Variants in SHROOM3 observed in about 807,000 individuals in gnomAD.
The protein encoded by SHROOM3 is protein Shroom3.
Under a neutral mutation model 138.6 loss-of-function variants are expected in SHROOM3, and 47 were observed. The ratio of observed to expected loss-of-function variants is 0.34; its 90% CI spans 0.27 to 0.43. SHROOM3 has a LOEUF of 0.43. Among genes scored for constraint, SHROOM3 ranks in the 20% least tolerant of loss-of-function variants. SHROOM3 has a pLI of 1.00. For synonymous variants in SHROOM3, 1,062 were observed against 1,063.3 expected (o/e 1.00, Z 0.02); for missense variants, 2,491 against 2,596.5 (o/e 0.96, Z 0.88).
Position 76,609,948 on chromosome 4 carries a change from T to C in SHROOM3, c.323+54185T>C, listed in dbSNP as rs191656559. On this transcript the variant is annotated intron_variant, in intron 2 of 10. Transcript: ENST00000296043. The stretch of plus-strand genomic sequence containing the variant: ...GGAAGCTGTTGCTACCTGGTACCCA[T>C]TTTGTTTTATTTTTATTTATCTTTT... Among the ~76,000 whole-genome samples, 3 of 152,336 alleles carry C rather than the reference T, an allele frequency of 2.0e-5. 1 individual carries two copies. The highest frequency in any genetic ancestry group is 2.4e-5 in the African/African-American group (1 of 41,588).
intron 1 of SHROOM3, among the ~76,000 whole-genome samples, chr4:76,554,520 T>C (rs1342149085): frequency 2.0e-5 from 3 of 151,028 alleles, no homozygotes; most frequent in Non-Finnish European, 2.9e-5. Flanking sequence ...CTTGGGTTCA[T>C]GCCATTTTCC....
At chr4:76,459,948 T>G (rs1731108044) in intron 1 of SHROOM3, among the ~76,000 whole-genome samples, 1 of 152,174 alleles carries the variant, frequency 6.6e-6, no homozygotes, top group South Asian at 2.1e-4. Flanking sequence ...TGCTGCTGCT[T>G]CTTATTTACA....
chr4:76,634,408 C>T (rs1252514886), intron 2 of SHROOM3, among the ~76,000 whole-genome samples: 1 of 152,090 alleles, frequency 6.6e-6, no homozygotes, highest in Non-Finnish European at 1.5e-5. Context: ...AGAACACAGC[C>T]AACAGCATGC....
chr4:76,689,492 A>G (rs926105629), intron 2 of SHROOM3: 20 of 978,906 alleles, frequency 2.0e-5, no homozygotes, highest in Admixed American at 1.3e-4. Context: ...AGCGTCCTCC[A>G]GCCGCGCTGC....
Position 76,779,165 on chromosome 4 carries a change from CT to C in SHROOM3, c.5980del (p.Ser1994LeufsTer7). ...TCAGTGGTATTTTCCCAACATTAAC[CT>C]CTCCACTTTAACCTCTTCTAAAATA... is the stretch of plus-strand genomic sequence containing the variant. ...TFSGIFPTLT[S>X]PL On this transcript the variant is annotated frameshift_variant, in exon 11 of 11. Coordinates refer to ENST00000296043, the MANE Select transcript of SHROOM3 (RefSeq NM_020859.4). LOFTEE classifies it high-confidence loss of function. 1 of 1,609,904 alleles carries C rather than the reference CT, an allele frequency of 6.2e-7. No homozygotes were observed. The highest frequency in any genetic ancestry group is 8.5e-7 in the Non-Finnish European group (1 of 1,177,518).
rs1180534407 is a variant in SHROOM3, at chr4:76,778,988, G to A, written c.5802G>A (p.Glu1934=). Reference sequence around the variant, plus strand: ...AAATGAAGTCCACGCTCCTCATTGAGCAACGGAAGCTGGATGACAAGATCA... The same window carrying A: ...AAATGAAGTCCACGCTCCTCATTGAACAACGGAAGCTGGATGACAAGATCA... ...FVKMKSTLLI[E]QRKLDDKIKL... The change falls in exon 11 of 11, where the codon GAG becomes GAA. Residue 1934 remains glutamate (E), a synonymous_variant. Coordinates refer to ENST00000296043, the MANE Select transcript of SHROOM3 (RefSeq NM_020859.4). The A allele has an allele frequency of 6.2e-7, 1 of 1,614,076 alleles. No homozygotes were observed. Among genetic ancestry groups the A allele is most frequent in the Non-Finnish European group, 8.5e-7 (1 of 1,180,056 alleles).
chr4:76,755,136 C>A lies in SHROOM3; in HGVS notation c.4653C>A (p.Pro1551=). The A allele has an allele frequency of 1.9e-6, 3 of 1,613,200 alleles. No individual in the cohort carries two copies. In the South Asian group the frequency reaches 3.3e-5, roughly 18 times the overall value. ...TGGATGACTTCCCTCCACCTCCTCC[C>A]CACACTGTATGTGAGGCGCAGCTGG... is the stretch of plus-strand genomic sequence containing the variant. ...YSMDDFPPPP[P]HTVCEAQLDS... The change falls in exon 7 of 11, where the codon CCC becomes CCA. Residue 1551 remains proline, a synonymous_variant. Transcript: ENST00000296043.
chr4:76,550,328 G>T (rs1733322869), intron 1 of SHROOM3, among the ~76,000 whole-genome samples: 1 of 152,168 alleles, frequency 6.6e-6, no homozygotes, highest in Non-Finnish European at 1.5e-5. Context: ...CCAAGTTTCT[G>T]ACCTCAAAGA....
chr4:76,555,817 C>T, intron 2 of SHROOM3, 54 bp downstream of exon 2: 2 of 1,582,556 alleles, frequency 1.3e-6, no homozygotes, highest in Non-Finnish European at 1.7e-6. Flanking sequence ...CACCTCTCTC[C>T]CTACCCTACC....
Position 76,489,282 on chromosome 4 carries a change from C to T in SHROOM3, c.168+53062C>T, listed in dbSNP as rs151094679. On this transcript the variant is annotated intron_variant, in intron 1 of 10. Transcript: ENST00000296043. ...TGAATGCTCCTGTATATAATATTGTCCTTTATGGTGGCTGGTTCATAGAAA... is the reference window on the plus strand; with the variant it reads ...TGAATGCTCCTGTATATAATATTGTTCTTTATGGTGGCTGGTTCATAGAAA... 8.1e-4 allele frequency among the ~76,000 whole-genome samples: 123 copies of T among 152,140 alleles called. 3 individuals are homozygous for T. In the East Asian group the frequency reaches 0.018, roughly 22 times the overall value.
At position 76,664,440 on chromosome 4, in the gene SHROOM3, TTCTCAA is replaced by T. The variant is rs1454547165; in HGVS notation, c.324-45712_324-45707del. On this transcript the variant is annotated intron_variant, in intron 2 of 10. Transcript: ENST00000296043. This position sits in a 1 kb window ranked among gnomAD's most constrained non-coding sequence, Gnocchi z 4.2. ...ATCTTTCATTGATTAATAGTTGTGA[TTCTCAA>T]TCTTAGCTGCACATGACAATGATCT... Among the ~76,000 whole-genome samples, 1 of 152,214 alleles carries T rather than the reference TTCTCAA, an allele frequency of 6.6e-6. No individual in the cohort carries two copies. The highest frequency in any genetic ancestry group is 1.5e-5 in the Non-Finnish European group (1 of 68,038).
intron 7 of SHROOM3, 71 bp from the exon 8 acceptor site, chr4:76,756,378 C>G: frequency 6.5e-7 from 1 of 1,530,086 alleles, no homozygotes; most frequent in South Asian, 1.2e-5. Context: ...ACCCTCTTAT[C>G]ATCACCCTTC....
At chr4:76,708,470 C>T (rs183953128) in intron 2 of SHROOM3, among the ~76,000 whole-genome samples, 127 of 152,138 alleles carry the variant, frequency 8.3e-4, no homozygotes, top group African/African-American at 2.9e-3. Context: ...TTTATGAAAG[C>T]TCAGGCCTGG....
At chr4:76,745,883 A>T (rs1721418627) in intron 5 of SHROOM3, among the ~76,000 whole-genome samples, 1 of 152,224 alleles carries the variant, frequency 6.6e-6, no homozygotes, top group Non-Finnish European at 1.5e-5. Flanking sequence ...TGGGAGACTG[A>T]GGCACGAGAA....
intron 2 of SHROOM3, among the ~76,000 whole-genome samples, chr4:76,601,805 C>T (rs1411788104): frequency 6.6e-6 from 1 of 152,362 alleles, no homozygotes; most frequent in South Asian, 2.1e-4. Flanking sequence ...CGGCGCCCAG[C>T]CTTACTCCTC....
rs75698530 is a variant in SHROOM3 at position 76,560,818 on chromosome 4, G to A, written c.323+5055G>A. On this transcript the variant is annotated intron_variant, in intron 2 of 10. Coordinates refer to ENST00000296043, the MANE Select transcript of SHROOM3 (RefSeq NM_020859.4). ...AGCACTACCAGATTTGAGACTGCCT[G>A]GGTTTGAAGTCTGATGGCATAGGCA... Among the ~76,000 whole-genome samples the A allele has an allele frequency of 2.1e-3, 323 of 152,326 alleles. 2 individuals are homozygous for A. The highest frequency in any genetic ancestry group is 7.4e-3 in the African/African-American group (306 of 41,580).
chr4:76,630,814 A>G (rs1311452979), intron 2 of SHROOM3, among the ~76,000 whole-genome samples: 2 of 152,214 alleles, frequency 1.3e-5, no homozygotes, highest in Admixed American at 6.5e-5. Flanking sequence ...TGTGGATTAC[A>G]GTCAGAGATA....
Position 76,739,301 on chromosome 4 carries a change from T to A in SHROOM3, c.1128T>A (p.Leu376=). Residue 376 remains leucine (L), a synonymous_variant, in exon 5 of 11, where the codon CTT becomes CTA. Transcript: ENST00000296043. ...PSSLETATDN[L]PPKVGAPLPP... is the part of the protein sequence containing the mutation. ...CCTTGGAGACTGCCACGGACAACCT[T>A]CCTCCTAAGGTGGGTGCACCCCTGC... 6.2e-7 allele frequency: 1 copy of A among 1,613,924 alleles called. No homozygotes were observed. Among genetic ancestry groups the A allele is most frequent in the Non-Finnish European group, 8.5e-7 (1 of 1,179,972 alleles).
chr4:76,515,213 T>TAAAAAAA, intron 1 of SHROOM3, among the ~76,000 whole-genome samples: 1 of 113,052 alleles, frequency 8.8e-6, no homozygotes, highest in South Asian at 2.8e-4. Context: ...AAACTCTGTC[T>TAAAAAAA]AAAAAAAAAA....
Sources: allele counts gnomAD v4.1 joint callset (sites outside exome capture counted in the v4.1 genomes callset), GRCh38; gene constraint gnomAD v4.1.1; non-coding constraint Gnocchi (gnomAD v3.1); transcripts MANE v1.5; gene names NCBI Gene and HGNC (gene_info 2026-07-23, HGNC 2026-07-21).